The following TNKS2 variants were observed in gnomAD, a reference collection of about 807,000 sequenced individuals.
TNKS2 encodes poly [ADP-ribose] polymerase tankyrase-2.
In TNKS2, 72 loss-of-function variants were observed where a neutral mutation model predicts 137.6. The observed-to-expected ratio is 0.52, with a 90% CI of 0.43 to 0.64. TNKS2 has a LOEUF of 0.64. Ranked by LOEUF, TNKS2 falls within the 30% of genes least tolerant of loss-of-function variation. TNKS2 has a pLI of 0.00. For missense variants in TNKS2, 1,049 were observed against 1,410.2 expected (o/e 0.74, Z 4.10); for synonymous variants, 516 against 512.1 (o/e 1.01, Z -0.10).
Position 91,805,438 on chromosome 10 carries a change from A to G in TNKS2, c.199+6549A>G, listed in dbSNP as rs554584863. 1.1e-4 allele frequency among the ~76,000 whole-genome samples: 17 copies of G among 152,324 alleles called. No individual in the cohort carries two copies. In the East Asian group the frequency reaches 3.1e-3, roughly 28 times the overall value. On this transcript the variant is annotated intron_variant, in intron 1 of 26. Coordinates refer to ENST00000371627, the MANE Select transcript of TNKS2 (RefSeq NM_025235.4). The stretch of plus-strand genomic sequence containing the variant: ...TCTACCCATATCGATCGCCTCAGCT[A>G]AAACTTCAGTTTCAGTTATGTCTTT...
chr10:91,809,579 T>C (rs1392731051), intron 1 of TNKS2, among the ~76,000 whole-genome samples: 1 of 150,528 alleles, frequency 6.6e-6, no homozygotes, highest in African/African-American at 2.5e-5. Context: ...GGCAGGAGAA[T>C]GGCGTGAACC....
rs1367177335 is a variant in TNKS2 at position 91,834,422 on chromosome 10, CTCATAT to C, written c.1447+403_1447+408del. ...TTGAAACATTTAGCAACTGAATACACTCATATTCATTACGTCTTAAAAGATTTAGAT... is the reference window on the plus strand; with the variant it reads ...TTGAAACATTTAGCAACTGAATACACTCATTACGTCTTAAAAGATTTAGAT... On this transcript the variant is annotated intron_variant, in intron 12 of 26. Coordinates refer to ENST00000371627, the MANE Select transcript of TNKS2 (RefSeq NM_025235.4). Among the ~76,000 whole-genome samples the C allele has an allele frequency of 3.3e-5, 5 of 152,316 alleles. No homozygotes were observed. In the East Asian group the frequency reaches 9.6e-4, roughly 29 times the overall value.
At chr10:91,801,939 C>G (rs1172377699) in intron 1 of TNKS2, among the ~76,000 whole-genome samples, 4 of 152,114 alleles carry the variant, frequency 2.6e-5, no homozygotes, top group African/African-American at 9.7e-5. Context: ...GAACTTATTT[C>G]TAAAAAGTAA....
chr10:91,826,170 A>G (rs1845062917), intron 7 of TNKS2, among the ~76,000 whole-genome samples: 3 of 152,240 alleles, frequency 2.0e-5, no homozygotes, highest in African/African-American at 7.2e-5. Flanking sequence ...CCTTATACAC[A>G]TAGCCTGAAG....
chr10:91,844,564 T>A (rs1290576260), intron 16 of TNKS2, among the ~76,000 whole-genome samples: 1 of 152,196 alleles, frequency 6.6e-6, no homozygotes, highest in African/African-American at 2.4e-5. Context: ...AGAAGTGGTA[T>A]GTAACACCCA....
At chr10:91,858,574 C>T (rs939354745) in intron 24 of TNKS2, among the ~76,000 whole-genome samples, 4 of 152,138 alleles carry the variant, frequency 2.6e-5, no homozygotes, top group African/African-American at 9.7e-5. Flanking sequence ...CTCTACTCCA[C>T]TCCCAAGGAA....
chr10:91,819,535 G>A lies in TNKS2; in HGVS notation c.611G>A (p.Cys204Tyr), dbSNP rs1338646650. ...MALLTPLNVN[C>Y]HASDGRKSTP... ...CTACTCACACCATTAAATGTCAACTGCCACGCAAGTGATGGCAGAAAGGTA... is the reference window on the plus strand; with the variant it reads ...CTACTCACACCATTAAATGTCAACTACCACGCAAGTGATGGCAGAAAGGTA... The change falls in exon 5 of 27, where the codon TGC (cysteine) becomes TAC (tyrosine). Residue 204 changes from cysteine to tyrosine, a missense_variant. Cys to Tyr is a radical substitution (Grantham distance 194). Coordinates refer to ENST00000371627, the MANE Select transcript of TNKS2 (RefSeq NM_025235.4). 6.3e-7 allele frequency: 1 copy of A among 1,594,656 alleles called. No homozygotes were observed. Among genetic ancestry groups the A allele is most frequent in the Admixed American group, 1.9e-5 (1 of 53,978 alleles).
At chr10:91,832,153 T>C (rs1437703458) in intron 11 of TNKS2, among the ~76,000 whole-genome samples, 1 of 152,234 alleles carries the variant, frequency 6.6e-6, no homozygotes, top group Admixed American at 6.5e-5. Context: ...TCTTGATCTT[T>C]CCTATTGTAA....
chr10:91,847,869 C>T (rs905946283), intron 18 of TNKS2, among the ~76,000 whole-genome samples: 4 of 152,126 alleles, frequency 2.6e-5, no homozygotes, highest in Non-Finnish European at 5.9e-5. Context: ...TTCTGTAATT[C>T]GTTGTGCTTC....
Position 91,836,896 on chromosome 10 carries a change from TTCTCTC to T in TNKS2, c.1448-13_1448-8del. ...TCTTCCAAATAGAGGTTAGTCACTC[TTCTCTC>T]TCTCTCTCTTTTTTAGAGGGTATCT... On this transcript the variant is annotated splice_polypyrimidine_tract_variant and intron_variant, in intron 12 of 26. Transcript: ENST00000371627. 6.3e-7 allele frequency: 1 copy of T among 1,583,304 alleles called. No individual in the cohort carries two copies. The highest frequency in any genetic ancestry group is 8.6e-7 in the Non-Finnish European group (1 of 1,162,478).
intron 21 of TNKS2, among the ~76,000 whole-genome samples, chr10:91,854,646 G>T (rs1306288973): frequency 6.6e-6 from 1 of 152,120 alleles, no homozygotes. Flanking sequence ...GCTCACACCT[G>T]TAATCCCAGC....
At chr10:91,811,072 G>A (rs567873949) in intron 1 of TNKS2, among the ~76,000 whole-genome samples, 106 of 149,904 alleles carry the variant, frequency 7.1e-4, no homozygotes, top group African/African-American at 2.3e-3. Context: ...TTACAGGCAC[G>A]CGCCACCACG....
Position 91,863,062 on chromosome 10 carries a change from C to G in TNKS2, c.*63C>G, listed in dbSNP as rs889039673. On this transcript the variant is annotated 3_prime_UTR_variant, in exon 27 of 27. Coordinates refer to ENST00000371627, the MANE Select transcript of TNKS2 (RefSeq NM_025235.4). ...ATCATCAAAGCAGCAGTGGCCTCTA[C>G]GTTTTACTCCTTTGCTGAAAAAAAA... 2.8e-5 allele frequency: 33 copies of G among 1,178,672 alleles called. No homozygotes were observed. The highest frequency in any genetic ancestry group is 3.8e-5 in the Non-Finnish European group (31 of 807,688). The allele number at this position is 1,178,672 out of a possible 1,614,324, so 73.0% of individuals were successfully genotyped here. A position where few individuals can be genotyped will look rare whatever the true frequency, so the allele number is the denominator to read the frequency against.
intron 11 of TNKS2, among the ~76,000 whole-genome samples, chr10:91,833,556 AGTTCAACTTTCTTAG>A (rs1841890225): frequency 6.6e-6 from 1 of 152,190 alleles, no homozygotes; most frequent in Non-Finnish European, 1.5e-5. Flanking sequence ...AAAATAGATG[AGTTCAACTTTCTTAG>A]GCAGTGTCTA....
intron 25 of TNKS2, among the ~76,000 whole-genome samples, chr10:91,860,362 T>G (rs926859354): frequency 6.6e-6 from 1 of 152,222 alleles, no homozygotes; most frequent in Non-Finnish European, 1.5e-5. Flanking sequence ...AGCATTAGCA[T>G]GCATTAGAGT....
At chr10:91,813,551 A>T (rs1047285880) in intron 2 of TNKS2, among the ~76,000 whole-genome samples, 2 of 152,198 alleles carry the variant, frequency 1.3e-5, no homozygotes, top group Non-Finnish European at 2.9e-5. Flanking sequence ...TACTTCCTGG[A>T]GTCTTTCCGT....
At chr10:91,811,367 C>CA (rs1844497018) in intron 1 of TNKS2, among the ~76,000 whole-genome samples, 2 of 152,138 alleles carry the variant, frequency 1.3e-5, no homozygotes, top group African/African-American at 4.8e-5. Context: ...TGTATGCTTT[C>CA]AGCTCAGGTG....
At chr10:91,837,091 TTGTA>T in intron 13 of TNKS2, 93 bp downstream of exon 13, 1 of 1,278,354 alleles carries the variant, frequency 7.8e-7, no homozygotes, top group South Asian at 1.6e-5. Context: ...CCTGGTTTAT[TTGTA>T]TGGGCCTTGC....
At position 91,861,978 on chromosome 10, in the gene TNKS2, CT is replaced by C; in HGVS notation, c.3282-17del. 1 of 1,596,378 alleles carries C rather than the reference CT, an allele frequency of 6.3e-7. No individual in the cohort carries two copies. Among genetic ancestry groups the C allele is most frequent in the South Asian group, 1.1e-5 (1 of 87,976 alleles). ...GTATCAAATTTGACTTCAGGGTGAT[CT>C]TTTCCTTTTCGTTTTATAGGCAGCT... On this transcript the variant is annotated intron_variant, in intron 25 of 26. Coordinates refer to ENST00000371627, the MANE Select transcript of TNKS2 (RefSeq NM_025235.4).
Sources: gnomAD v4.1 joint callset for allele counts (sites outside exome capture counted in the v4.1 genomes callset) on GRCh38, gnomAD v4.1.1 for gene constraint, MANE v1.5 for transcripts, NCBI Gene and HGNC (gene_info 2026-07-23, HGNC 2026-07-21) for gene names.